Variants in C11orf58 observed in about 807,000 individuals in gnomAD.
The protein encoded by C11orf58 is small acidic protein.
In C11orf58, 5 loss-of-function variants were observed where a neutral mutation model predicts 22.7. The observed-to-expected ratio is 0.22, with a 90% CI of 0.12 to 0.46. The LOEUF is 0.46. C11orf58 is among the 20% of genes least tolerant of loss of function. The probability of loss-of-function intolerance (pLI) is 0.99; values close to 1 mark genes in which losing one functional copy is unlikely to be tolerated. For synonymous variants in C11orf58, 71 were observed against 70.7 expected (o/e 1.00, Z -0.02); for missense variants, 151 against 223.3 (o/e 0.68, Z 2.06).
rs1023352802 is a variant in C11orf58, at chr11:16,757,171, A to G, written c.*2067A>G. ...GTTTGAAAAAGTTTGGCTTTATTCA[A>G]CAATTTTAGTTTGCCCACTGATTTT... On this transcript the variant is annotated 3_prime_UTR_variant, in exon 5 of 5. Transcript: ENST00000228136. 1.2e-4 allele frequency among the ~76,000 whole-genome samples: 19 copies of G among 152,160 alleles called. No individual in the cohort carries two copies. Among genetic ancestry groups the G allele is most frequent in the African/African-American group, 4.6e-4 (19 of 41,426 alleles).
At chr11:16,744,537 A>G (rs1590073156) in intron 1 of C11orf58, 64 bp from the exon 2 acceptor site, 1 of 1,310,658 alleles carries the variant, frequency 7.6e-7, no homozygotes, top group Non-Finnish European at 1.1e-6. Context: ...TTACAGGTAG[A>G]CTTTAGATTT....
In C11orf58 at chr11:16,738,677, T is replaced by A; in HGVS notation, c.-102T>A. 1 of 1,308,382 alleles carries A rather than the reference T, an allele frequency of 7.6e-7. No homozygotes were observed. Among genetic ancestry groups the A allele is most frequent in the Non-Finnish European group, 1.1e-6 (1 of 905,686 alleles). The allele number at this position is 1,308,382 out of a possible 1,614,324, so 81.0% of individuals were successfully genotyped here. Reference sequence around the variant, plus strand: ...AGGCCCGGAGGGGCTCTGCGTTCTGTAGTGGCGCTGCTTGGGCCCTTGGCG... The same window carrying A: ...AGGCCCGGAGGGGCTCTGCGTTCTGAAGTGGCGCTGCTTGGGCCCTTGGCG... On this transcript the variant is annotated 5_prime_UTR_variant, in exon 1 of 5. Coordinates refer to ENST00000228136, the MANE Select transcript of C11orf58 (RefSeq NM_014267.6).
chr11:16,753,588 A>G (rs1455525319), intron 4 of C11orf58, among the ~76,000 whole-genome samples: 2 of 150,238 alleles, frequency 1.3e-5, no homozygotes, highest in South Asian at 2.1e-4. Flanking sequence ...GCCTTGAACT[A>G]CTGAGCTCAG....
chr11:16,744,055 A>C (rs184736436), intron 1 of C11orf58, among the ~76,000 whole-genome samples: 1,698 of 151,730 alleles, frequency 0.011, 22 homozygotes, highest in African/African-American at 0.039. Context: ...ACTGCTAAAA[A>C]AAAAAAAAAA....
chr11:16,747,169 G>A (rs542176542), intron 2 of C11orf58: 1 of 152,334 alleles, frequency 6.6e-6, no homozygotes, highest in South Asian at 2.1e-4. Flanking sequence ...ATGGCTGTCA[G>A]TTTTGCAACC....
At chr11:16,746,583 T>G (rs758564962) in intron 2 of C11orf58, 7 of 152,238 alleles carry the variant, frequency 4.6e-5, no homozygotes, top group Non-Finnish European at 1.0e-4. Context: ...AGGGGCCATA[T>G]TCAACTTAGT....
intron 3 of C11orf58, chr11:16,749,180 T>C (rs1350172827): frequency 6.6e-6 from 1 of 152,228 alleles, no homozygotes; most frequent in African/African-American, 2.4e-5. Context: ...TTTTTGCCTA[T>C]TTAAAACTGA....
intron 1 of C11orf58, 33 bp from the exon 2 acceptor site, chr11:16,744,567 CA>C (rs536903912): frequency 4.2e-5 from 66 of 1,558,606 alleles, no homozygotes; most frequent in Admixed American, 8.5e-5. Context: ...TATTTTTATG[CA>C]AAAAAAATTT....
At chr11:16,746,702 T>G (rs1039670590) in intron 2 of C11orf58, 1 of 151,864 alleles carries the variant, frequency 6.6e-6, no homozygotes, top group African/African-American at 2.4e-5. Context: ...CTCTTTTTTT[T>G]GTTGTTGTTG....
intron 4 of C11orf58, among the ~76,000 whole-genome samples, chr11:16,753,162 C>A (rs1447584965): frequency 6.6e-6 from 1 of 151,980 alleles, no homozygotes; most frequent in African/African-American, 2.4e-5. Flanking sequence ...GTGATGTCTT[C>A]CACCTCGCGG....
At chr11:16,745,239 A>G (rs1385347953) in intron 2 of C11orf58, among the ~76,000 whole-genome samples, 1 of 152,188 alleles carries the variant, frequency 6.6e-6, no homozygotes, top group African/African-American at 2.4e-5. Flanking sequence ...TGTTCAAGAT[A>G]CTTTGAAATG....
At chr11:16,742,540 G>A (rs1003955547) in intron 1 of C11orf58, among the ~76,000 whole-genome samples, 6 of 152,138 alleles carry the variant, frequency 3.9e-5, no homozygotes, top group Admixed American at 6.5e-5. Flanking sequence ...ATGGAAAAAA[G>A]TAGAGATTTG....
intron 1 of C11orf58, among the ~76,000 whole-genome samples, chr11:16,740,610 C>G (rs1242492987): frequency 6.6e-6 from 1 of 151,896 alleles, no homozygotes; most frequent in African/African-American, 2.4e-5. Context: ...TTAGTAGAGA[C>G]CAGATTTTGC....
intron 2 of C11orf58, 121 bp from the exon 3 acceptor site, chr11:16,747,976 A>G: frequency 1.3e-6 from 1 of 746,680 alleles, no homozygotes; most frequent in South Asian, 1.5e-5. Context: ...CAGAGATTCT[A>G]ATTTAATCTT....
chr11:16,754,508 T>C (rs1848558064), intron 4 of C11orf58, among the ~76,000 whole-genome samples: 1 of 129,858 alleles, frequency 7.7e-6, no homozygotes, highest in Non-Finnish European at 1.7e-5. Context: ...TTTTTTTCTT[T>C]TTTCTTTTTT....
At chr11:16,753,185 C>T (rs1164022703) in intron 4 of C11orf58, among the ~76,000 whole-genome samples, 1 of 151,760 alleles carries the variant, frequency 6.6e-6, no homozygotes, top group Non-Finnish European at 1.5e-5. Flanking sequence ...TCAAGTGATT[C>T]TTCTGCCTCA....
At chr11:16,746,491 C>T (rs1222058044) in intron 2 of C11orf58, among the ~76,000 whole-genome samples, 2 of 151,996 alleles carry the variant, frequency 1.3e-5, no homozygotes, top group Non-Finnish European at 2.9e-5. Context: ...CAGTTAAAAT[C>T]GAAGTTTCCA....
intron 2 of C11orf58, among the ~76,000 whole-genome samples, chr11:16,746,543 G>A (rs1043124648): frequency 9.2e-5 from 14 of 152,152 alleles, no homozygotes; most frequent in Non-Finnish European, 1.5e-5. Context: ...TAAAAGATTT[G>A]TTAAGGATAT....
rs1181267519 is a variant in C11orf58, at chr11:16,755,830, T to A, written c.*726T>A. 6.5e-6 allele frequency: 1 copy of A among 152,742 alleles called. No individual in the cohort carries two copies. Among genetic ancestry groups the A allele is most frequent in the East Asian group, 1.9e-4 (1 of 5,188 alleles). 9.5% of individuals were successfully genotyped at this position (152,742 alleles called of 1,614,324 possible). ...AAATATGTAAAACTGGATTTTTTTT[T>A]AAGTAATATGTGACCAAAGTTAATT... On this transcript the variant is annotated 3_prime_UTR_variant, in exon 5 of 5. Coordinates refer to ENST00000228136, the MANE Select transcript of C11orf58 (RefSeq NM_014267.6).
Sources: gnomAD v4.1 joint callset for allele counts (sites outside exome capture counted in the v4.1 genomes callset) on GRCh38, gnomAD v4.1.1 for gene constraint, MANE v1.5 for transcripts, NCBI Gene and HGNC (gene_info 2026-07-23, HGNC 2026-07-21) for gene names.